Variants in JAKMIP1 observed in about 807,000 individuals in gnomAD.
JAKMIP1 encodes janus kinase and microtubule-interacting protein 1.
A neutral mutation model predicts 113.0 loss-of-function variants in JAKMIP1; 33 were observed. The observed-to-expected ratio is 0.29, with a 90% confidence interval of 0.22 to 0.39. The LOEUF is 0.39. JAKMIP1 is among the 10% of genes least tolerant of loss of function. The pLI is 1.00. For synonymous variants in JAKMIP1, 480 were observed against 459.9 expected, an observed-to-expected ratio of 1.04 and a Z score of -0.56; for missense variants, 813 against 1,080.5, an observed-to-expected ratio of 0.75 and a Z score of 3.47.
chr4:6,119,088 G>A (rs886673151), intron 1 of JAKMIP1, among the ~76,000 whole-genome samples: 1 of 152,168 alleles, frequency 6.6e-6, no homozygotes, highest in African/African-American at 2.4e-5. Flanking sequence ...CTGGAGCGGG[G>A]AAGGACTGAC....
At chr4:6,100,244 C>A (rs1000153319) in intron 3 of JAKMIP1, among the ~76,000 whole-genome samples, 29 of 152,302 alleles carry the variant, frequency 1.9e-4, no homozygotes, top group African/African-American at 5.1e-4. Flanking sequence ...AGCTAATCTC[C>A]ATTCCAACTA....
At chr4:6,189,477 C>A (rs1473907) in intron 1 of JAKMIP1, among the ~76,000 whole-genome samples, 2 of 152,088 alleles carry the variant, frequency 1.3e-5, no homozygotes, top group African/African-American at 2.4e-5. Context: ...CAAGCAATGG[C>A]GAGAACATAC....
At chr4:6,128,066 G>T (rs905023779) in intron 1 of JAKMIP1, among the ~76,000 whole-genome samples, 2 of 152,196 alleles carry the variant, frequency 1.3e-5, no homozygotes, top group Admixed American at 6.5e-5. Context: ...CCCTGTAAAG[G>T]CTGTGATGCC....
intron 1 of JAKMIP1, among the ~76,000 whole-genome samples, chr4:6,177,932 G>A (rs1725549138): frequency 6.6e-6 from 1 of 152,138 alleles, no homozygotes; most frequent in Non-Finnish European, 1.5e-5. Flanking sequence ...GCACAGAAGA[G>A]GTGAGATTAA....
At chr4:6,173,310 T>C (rs1005487674) in intron 1 of JAKMIP1, among the ~76,000 whole-genome samples, 2 of 152,122 alleles carry the variant, frequency 1.3e-5, no homozygotes, top group Non-Finnish European at 2.9e-5. Context: ...AGGAAAGAAA[T>C]GAAAATTTGA....
chr4:6,077,762 G>A (rs1176911110), intron 8 of JAKMIP1, among the ~76,000 whole-genome samples: 2 of 152,064 alleles, frequency 1.3e-5, no homozygotes, highest in Admixed American at 6.5e-5. Flanking sequence ...GGAATTACAG[G>A]CATGAGCCAC....
chr4:6,109,102 A>G (rs1714446862), intron 2 of JAKMIP1, among the ~76,000 whole-genome samples: 1 of 147,046 alleles, frequency 6.8e-6, no homozygotes. Context: ...GGTAGGAAAT[A>G]TACAAGATGT....
chr4:6,110,963 G>A (rs1200966266), intron 2 of JAKMIP1, among the ~76,000 whole-genome samples: 3 of 151,788 alleles, frequency 2.0e-5, no homozygotes, highest in Non-Finnish European at 4.4e-5. Context: ...GAACAGGTCA[G>A]CATCACCAGC....
At chr4:6,122,067 G>A (rs561086780) in intron 1 of JAKMIP1, among the ~76,000 whole-genome samples, 8 of 152,308 alleles carry the variant, frequency 5.3e-5, no homozygotes, top group African/African-American at 1.7e-4. Context: ...AGACAGGGCC[G>A]GATGCAGTGG....
intron 8 of JAKMIP1, among the ~76,000 whole-genome samples, chr4:6,066,812 G>A (rs1718160165): frequency 6.6e-6 from 1 of 151,954 alleles, no homozygotes; most frequent in Non-Finnish European, 1.5e-5. Context: ...CAACATCCAG[G>A]CAGGCTACAA....
intron 20 of JAKMIP1, among the ~76,000 whole-genome samples, chr4:6,027,516 G>T (rs554936985): frequency 6.6e-6 from 1 of 152,298 alleles, no homozygotes; most frequent in South Asian, 2.1e-4. Context: ...GATAGTGGTG[G>T]CTGGAGCTAT....
At position 6,155,502 on chromosome 4, in the gene JAKMIP1, T is replaced by C. The variant is rs1722125725; in HGVS notation, c.-147-42505A>G. 1.3e-5 allele frequency among the ~76,000 whole-genome samples: 2 copies of C among 151,992 alleles called. No homozygotes were observed. The highest frequency in any genetic ancestry group is 4.8e-5 in the African/African-American group (2 of 41,362). ...CCAGACAGTTTGGTTCCAGGGTGGG[T>C]TATGGTGGTTGGAAAAATGACAGCA... is the stretch of plus-strand genomic sequence containing the variant. On this transcript the variant is annotated intron_variant, in intron 1 of 20. Transcript: ENST00000409021. This position sits in a 1 kb window ranked among gnomAD's most constrained non-coding sequence, Gnocchi z 6.1.
At position 6,035,972 on chromosome 4, in the gene JAKMIP1, T is replaced by C; in HGVS notation, c.2311A>G (p.Arg771Gly). Reference sequence around the variant, plus strand: ...TGGCTGTCGAACTCGCGGCTCTGCCTGAGGATCTGCCTGCGCACCTTTTCC... The same window carrying C: ...TGGCTGTCGAACTCGCGGCTCTGCCCGAGGATCTGCCTGCGCACCTTTTCC... ...AVEKVRRQIL[R>G]QSREFDSQIL... The change falls in exon 19 of 21, where the codon AGG becomes GGG. Residue 771 changes from arginine to glycine, a missense_variant. Around this residue, in one of 2 missense-constraint regions of JAKMIP1, gnomAD observed 273 missense variants for 426.6 expected, o/e 0.64. Coordinates refer to ENST00000409021, the MANE Select transcript of JAKMIP1 (RefSeq NM_001099433.2). The C allele has an allele frequency of 6.4e-7, 1 of 1,551,506 alleles. No homozygotes were observed. Among genetic ancestry groups the C allele is most frequent in the South Asian group, 1.2e-5 (1 of 84,080 alleles).
intron 1 of JAKMIP1, among the ~76,000 whole-genome samples, chr4:6,171,677 T>C (rs1724747289): frequency 6.6e-6 from 1 of 152,198 alleles, no homozygotes; most frequent in Non-Finnish European, 1.5e-5. Context: ...TCTTCACATG[T>C]CTTGAAGGTT....
rs1276906108 is a variant in JAKMIP1 at position 6,042,831 on chromosome 4, G to A, written c.2029-604C>T. ...GGTGGAATCACACACAGGGTAGGGG[G>A]TGTAGGAGCATGAAAGCAGGGTTCA... On this transcript the variant is annotated intron_variant, in intron 16 of 20. Coordinates refer to ENST00000409021, the MANE Select transcript of JAKMIP1 (RefSeq NM_001099433.2). The surrounding 1 kb of genome is among the most constrained non-coding windows in gnomAD (Gnocchi z 5.2). Among the ~76,000 whole-genome samples, 3 of 152,076 alleles carry A rather than the reference G, an allele frequency of 2.0e-5. No individual in the cohort carries two copies. In the East Asian group the frequency reaches 5.8e-4, roughly 30 times the overall value.
Position 6,192,130 on chromosome 4 carries a change from A to C in JAKMIP1, c.-148+8123T>G, listed in dbSNP as rs537637288. On this transcript the variant is annotated intron_variant, in intron 1 of 20. Transcript: ENST00000409021. The surrounding 1 kb of genome is among the most constrained non-coding windows in gnomAD (Gnocchi z 5.0). Reference sequence around the variant, plus strand: ...GTATTTTCAGTAGAGATGGGGTTTCACCATGTTGGCCAGGCTGGTCTTGAA... The same window carrying C: ...GTATTTTCAGTAGAGATGGGGTTTCCCCATGTTGGCCAGGCTGGTCTTGAA... Among the ~76,000 whole-genome samples the C allele has an allele frequency of 2.6e-5, 4 of 151,766 alleles. No homozygotes were observed. The highest frequency in any genetic ancestry group is 2.0e-4 in the Admixed American group (3 of 15,236).
Position 6,036,157 on chromosome 4 carries a change from A to G in JAKMIP1, c.2176-50T>C, listed in dbSNP as rs181707555. The G allele has an allele frequency of 8.8e-4, 1,220 of 1,388,278 alleles. 20 individuals carry two copies. In the East Asian group the frequency reaches 0.023, roughly 27 times the overall value. 86.0% of individuals were successfully genotyped at this position (1,388,278 alleles called of 1,614,324 possible). On this transcript the variant is annotated intron_variant, in intron 18 of 20. Transcript: ENST00000409021. ...AGAGGAAGGTCACAAGGAGGTGGACAGGAACCACCAGAAGGCTGCTGCCAG... is the reference window on the plus strand; with the variant it reads ...AGAGGAAGGTCACAAGGAGGTGGACGGGAACCACCAGAAGGCTGCTGCCAG...
chr4:6,144,662 T>C (rs925142818), intron 1 of JAKMIP1, among the ~76,000 whole-genome samples: 3 of 152,130 alleles, frequency 2.0e-5, no homozygotes, highest in Non-Finnish European at 4.4e-5. Flanking sequence ...AAAAGACATG[T>C]TACAAAATCC....
rs1380539999 is a variant in JAKMIP1, at chr4:6,080,001, T to C, written c.1242+171A>G. The stretch of plus-strand genomic sequence containing the variant: ...AAGCCAAGGCTGCTTAGTGGCAGAA[T>C]GAAGCGGGAATGTGCACACCAGGGT... On this transcript the variant is annotated intron_variant, in intron 7 of 20. Coordinates refer to ENST00000409021, the MANE Select transcript of JAKMIP1 (RefSeq NM_001099433.2). This position sits in a 1 kb window ranked among gnomAD's most constrained non-coding sequence, Gnocchi z 6.0. 6.6e-6 allele frequency among the ~76,000 whole-genome samples: 1 copy of C among 152,230 alleles called. No individual in the cohort carries two copies. Among genetic ancestry groups the C allele is most frequent in the African/African-American group, 2.4e-5 (1 of 41,456 alleles).
Sources: gnomAD v4.1 joint callset for allele counts (sites outside exome capture counted in the v4.1 genomes callset) on GRCh38, gnomAD v4.1.1 for gene constraint, gnomAD v4.1.1 regional missense constraint, Gnocchi (gnomAD v3.1) non-coding constraint, MANE v1.5 for transcripts, NCBI Gene and HGNC (gene_info 2026-07-23, HGNC 2026-07-21) for gene names.